Variants in CTNND2 observed in about 807,000 individuals in gnomAD.
CTNND2 encodes the protein catenin delta 2.
Under a neutral mutation model 144.4 loss-of-function variants are expected in CTNND2, and 22 were observed. The observed-to-expected ratio is 0.15, with a 90% confidence interval of 0.11 to 0.22. The LOEUF is 0.22. Ranked by LOEUF, CTNND2 falls within the 10% of genes least tolerant of loss-of-function variation. The pLI, the probability that CTNND2 is intolerant of heterozygous loss-of-function variation, is 1.00. For missense variants in CTNND2, 1,353 were observed against 1,618.8 expected, an observed-to-expected ratio of 0.84 and a Z score of 2.82; for synonymous variants, 751 against 695.6, an observed-to-expected ratio of 1.08 and a Z score of -1.25.
chr5:11,309,839 T>G (rs997612478), intron 9 of CTNND2, among the ~76,000 whole-genome samples: 3 of 152,142 alleles, frequency 2.0e-5, no homozygotes, highest in Non-Finnish European at 4.4e-5. Flanking sequence ...GGGGGCAGAT[T>G]TCCCCCCTGC....
intron 2 of CTNND2, among the ~76,000 whole-genome samples, chr5:11,575,669 C>T (rs1026842092): frequency 2.6e-5 from 4 of 152,180 alleles, no homozygotes; most frequent in Non-Finnish European, 4.4e-5. Flanking sequence ...TATCACCAAA[C>T]ATCATGTACT....
intron 2 of CTNND2, among the ~76,000 whole-genome samples, chr5:11,594,880 TGATATTTAG>T (rs1309708058): frequency 6.6e-6 from 1 of 152,210 alleles, no homozygotes; most frequent in Non-Finnish European, 1.5e-5. Context: ...TAACAAAACT[TGATATTTAG>T]GAGAGACTTT....
At chr5:11,743,178 T>C (rs1788113325) in intron 1 of CTNND2, among the ~76,000 whole-genome samples, 1 of 152,228 alleles carries the variant, frequency 6.6e-6, no homozygotes, top group African/African-American at 2.4e-5. Flanking sequence ...ATGTAATATA[T>C]AGAAGCTAGT....
chr5:11,204,391 G>A (rs910759054), intron 10 of CTNND2, among the ~76,000 whole-genome samples: 1 of 152,190 alleles, frequency 6.6e-6, no homozygotes, highest in African/African-American at 2.4e-5. Context: ...TTAAACTCTA[G>A]AACTGAGAGT....
At chr5:11,811,759 A>G (rs1440715128) in intron 1 of CTNND2, among the ~76,000 whole-genome samples, 2 of 152,134 alleles carry the variant, frequency 1.3e-5, no homozygotes, top group African/African-American at 2.4e-5. Flanking sequence ...ACTGAATTCT[A>G]CCGTTGCTTT....
intron 9 of CTNND2, among the ~76,000 whole-genome samples, chr5:11,279,371 T>C (rs1335134243): frequency 6.6e-6 from 1 of 152,180 alleles, no homozygotes; most frequent in African/African-American, 2.4e-5. Context: ...ACACTTTCTG[T>C]CATCTTTACC....
At chr5:11,166,297 G>A (rs886066291) in intron 11 of CTNND2, among the ~76,000 whole-genome samples, 2 of 143,848 alleles carry the variant, frequency 1.4e-5, no homozygotes, top group African/African-American at 2.7e-5. Flanking sequence ...CACCCAGGCT[G>A]GAGTGCAGTG....
chr5:11,531,509 C>T (rs982939910), intron 3 of CTNND2, among the ~76,000 whole-genome samples: 1 of 152,036 alleles, frequency 6.6e-6, no homozygotes, highest in Non-Finnish European at 1.5e-5. Context: ...ACCTGTAGTC[C>T]CAGCTACCCA....
chr5:11,734,326 T>C (rs141557564), intron 1 of CTNND2, among the ~76,000 whole-genome samples: 366 of 152,314 alleles, frequency 2.4e-3, no homozygotes, highest in African/African-American at 8.0e-3. Flanking sequence ...AAATCTCATC[T>C]TGAATTGTAG....
At chr5:11,312,684 A>ACACTCCCCATCTACCCTCACCCTCAC (rs1751108667) in intron 9 of CTNND2, among the ~76,000 whole-genome samples, 1 of 145,416 alleles carries the variant, frequency 6.9e-6, no homozygotes, top group Non-Finnish European at 1.5e-5. Context: ...ACACTCACAC[A>ACACTCCCCATCTACCCTCACCCTCAC]CACTCCCCAT....
intron 2 of CTNND2, among the ~76,000 whole-genome samples, chr5:11,685,386 C>T (rs1784602128): frequency 6.6e-6 from 1 of 152,148 alleles, no homozygotes. Flanking sequence ...CTCATGAATT[C>T]CTTACAACAA....
At chr5:11,407,117 C>G (rs1216152867) in intron 5 of CTNND2, among the ~76,000 whole-genome samples, 1 of 152,036 alleles carries the variant, frequency 6.6e-6, no homozygotes, top group African/African-American at 2.4e-5. Context: ...TAAAAGGATG[C>G]ATAGATTAAA....
intron 15 of CTNND2, among the ~76,000 whole-genome samples, chr5:11,084,488 G>C (rs906979612): frequency 2.0e-5 from 3 of 152,216 alleles, no homozygotes; most frequent in Non-Finnish European, 4.4e-5. Context: ...AGAGAAGCTA[G>C]AAAAAGGAAG....
chr5:11,539,988 C>T (rs1043779820), intron 3 of CTNND2, among the ~76,000 whole-genome samples: 6 of 152,026 alleles, frequency 3.9e-5, no homozygotes, highest in South Asian at 2.1e-4. Flanking sequence ...GAGCTGAGGT[C>T]GCACCACTGC....
intron 13 of CTNND2, among the ~76,000 whole-genome samples, chr5:11,113,433 T>A (rs1753205789): frequency 6.6e-6 from 1 of 152,154 alleles, no homozygotes; most frequent in Admixed American, 6.5e-5. Context: ...AATGCAGAAT[T>A]ACATGGCTGT....
chr5:11,409,678 T>C (rs1371113080), intron 5 of CTNND2, among the ~76,000 whole-genome samples: 1 of 152,116 alleles, frequency 6.6e-6, no homozygotes, highest in Non-Finnish European at 1.5e-5. Flanking sequence ...TGCTAAGTGA[T>C]TCTGTATTAA....
At chr5:11,331,868 T>C (rs1325996801) in intron 9 of CTNND2, among the ~76,000 whole-genome samples, 2 of 152,208 alleles carry the variant, frequency 1.3e-5, no homozygotes, top group Non-Finnish European at 2.9e-5. Flanking sequence ...CTGGGGTGGC[T>C]ACAGTTAACA....
intron 5 of CTNND2, among the ~76,000 whole-genome samples, chr5:11,411,089 G>A (rs1761492625): frequency 6.6e-6 from 1 of 151,992 alleles, no homozygotes; most frequent in South Asian, 2.1e-4. Flanking sequence ...GGCCAGGCTG[G>A]TCTCAAACTC....
chr5:11,877,808 C>T (rs1735675345), intron 1 of CTNND2, among the ~76,000 whole-genome samples: 2 of 151,932 alleles, frequency 1.3e-5, no homozygotes, highest in Non-Finnish European at 2.9e-5. Flanking sequence ...ATCTGAAGGA[C>T]AAAAAGACTT....
Sources: allele counts gnomAD v4.1 joint callset (sites outside exome capture counted in the v4.1 genomes callset), GRCh38; gene constraint gnomAD v4.1.1; transcripts MANE v1.5; gene names NCBI Gene and HGNC (gene_info 2026-07-23, HGNC 2026-07-21).